Variants in PLK5 observed in about 807,000 individuals in gnomAD.
PLK5 encodes the protein polo like kinase 5 (inactive), also known as inactive serine/threonine-protein kinase PLK5.
Under a neutral mutation model 33.7 loss-of-function variants are expected in PLK5, and 28 were observed. The ratio of observed to expected loss-of-function variants is 0.83; its 90% CI spans 0.62 to 1.14. The LOEUF (loss-of-function observed/expected upper bound fraction) is 1.14. Ranked by LOEUF, PLK5 falls within the 50% of genes most tolerant of loss-of-function variation. The probability of loss-of-function intolerance (pLI) is 0.00; values close to 1 mark genes in which losing one functional copy is unlikely to be tolerated. For missense variants in PLK5, 492 were observed against 461.5 expected, an observed-to-expected ratio of 1.07 and a Z score of -0.61; for synonymous variants, 225 against 202.2, an observed-to-expected ratio of 1.11 and a Z score of -0.96.
intron 9 of PLK5, 46 bp from the exon 10 acceptor site, chr19:1,529,360 G>C (rs1913855098): frequency 6.8e-7 from 1 of 1,479,128 alleles, no homozygotes; most frequent in Non-Finnish European, 9.1e-7. Flanking sequence ...GCCTGTCCCT[G>C]GGGCTGGGGC....
chr19:1,528,574 C>A, intron 8 of PLK5, 146 bp downstream of exon 8: 1 of 588,510 alleles, frequency 1.7e-6, no homozygotes, highest in South Asian at 2.3e-5. Context: ...CCTGCCCACG[C>A]CTCCCACCTG....
chr19:1,526,674 C>A, intron 4 of PLK5, 30 bp from the exon 5 acceptor site: 1 of 430,550 alleles, frequency 2.3e-6, no homozygotes, highest in Admixed American at 3.8e-5. Flanking sequence ...ACGGATCCAC[C>A]CCCATGCGCA....
At chr19:1,533,837 C>A in intron 12 of PLK5, 94 bp from the exon 13 acceptor site, 1 of 887,262 alleles carries the variant, frequency 1.1e-6, no homozygotes, top group Non-Finnish European at 1.6e-6. Context: ...CCTGCGGCGG[C>A]GGCTGCGGGA....
intron 7 of PLK5, 35 bp from the exon 8 acceptor site, chr19:1,528,267 C>A (rs1322648159): frequency 2.0e-6 from 3 of 1,535,744 alleles, no homozygotes; most frequent in Non-Finnish European, 2.6e-6. Context: ...GCTGGGTGAC[C>A]TAAGCCGGGG....
chr19:1,528,931 GAGA>G lies in PLK5; in HGVS notation c.365_367del (p.Glu122del). The G allele has an allele frequency of 1.3e-6, 2 of 1,518,506 alleles. No homozygotes were observed. The highest frequency in any genetic ancestry group is 1.8e-6 in the Non-Finnish European group (2 of 1,138,762). The allele number at this position is 1,518,506 out of a possible 1,614,324, so 94.1% of individuals were successfully genotyped here. A position where few individuals can be genotyped will look rare whatever the true frequency, so the allele number is the denominator to read the frequency against. On this transcript the variant is annotated inframe_deletion, in exon 9 of 14. Transcript: ENST00000454744. ...ACGCCTAAAGAGGCCTCGGGTCCAG[GAGA>G]AGGTGGGCCAGACCCTGACTCCATG...
rs772286255 is a variant in PLK5 at position 1,528,953 on chromosome 19, C to G, written c.384C>G (p.Asp128Glu). The part of the protein sequence containing the change: ...SGPGEGGPDP[D>E]SMEWDGESSL... ...CAGGAGAAGGTGGGCCAGACCCTGACTCCATGGAGTGGGACGGCGAGGTGA... is the reference window on the plus strand; with the variant it reads ...CAGGAGAAGGTGGGCCAGACCCTGAGTCCATGGAGTGGGACGGCGAGGTGA... The change falls in exon 9 of 14, where the codon GAC becomes GAG. Residue 128 changes from aspartate (D) to glutamate (E), a missense_variant. Asp to Glu is a conservative substitution (Grantham distance 45). Coordinates refer to ENST00000454744, the MANE Select transcript of PLK5 (RefSeq NM_001243079.2). 2.6e-5 allele frequency: 39 copies of G among 1,519,188 alleles called. No homozygotes were observed. Among genetic ancestry groups the G allele is most frequent in the Admixed American group, 6.3e-5 (3 of 47,722 alleles). The allele number at this position is 1,519,188 out of a possible 1,614,324, so 94.1% of individuals were successfully genotyped here.
In PLK5 at chr19:1,535,230, C is replaced by T. The variant is rs1054524030; in HGVS notation, c.991C>T (p.Arg331Cys). Residue 331 changes from arginine to cysteine, a missense_variant, in exon 14 of 14, where the codon CGC (arginine) becomes TGC (cysteine). Transcript: ENST00000454744. ...CGGACAGCACCTTCACCACGCCCTC[C>T]GCATGCTGCAGAGTATCTAGTGCCC... Reference protein sequence around the residue: ...TTGQHLHHALRMLQSI With the variant: ...TTGQHLHHALCMLQSI 46 of 1,535,774 alleles carry T rather than the reference C, an allele frequency of 3.0e-5. No individual in the cohort carries two copies. Among genetic ancestry groups the T allele is most frequent in the South Asian group, 3.6e-5 (3 of 84,044 alleles).
At chr19:1,534,140 G>C in intron 13 of PLK5, 99 bp downstream of exon 13, 2 of 723,876 alleles carry the variant, frequency 2.8e-6, no homozygotes, top group Non-Finnish European at 4.3e-6. Flanking sequence ...GCCTTAGGAA[G>C]CATTTGCCTC....
In PLK5 at chr19:1,526,537, C is replaced by A; in HGVS notation, c.-261C>A. On this transcript the variant is annotated 5_prime_UTR_variant, in exon 4 of 14. Coordinates refer to ENST00000454744, the MANE Select transcript of PLK5 (RefSeq NM_001243079.2). ...GCAGATCCTGACGGAGCCAGAAGTG[C>A]GCGACTACCTGCGGGGCCTGGTCAG... 1 of 290,190 alleles carries A rather than the reference C, an allele frequency of 3.4e-6. No homozygotes were observed. The highest frequency in any genetic ancestry group is 2.8e-5 in the South Asian group (1 of 36,324). The allele number at this position is 290,190 out of a possible 1,614,324, so 18.0% of individuals were successfully genotyped here. A position where few individuals can be genotyped will look rare whatever the true frequency, so the allele number is the denominator to read the frequency against.
intron 12 of PLK5, among the ~76,000 whole-genome samples, chr19:1,532,460 G>A (rs545098673): frequency 1.3e-5 from 2 of 151,564 alleles, no homozygotes; most frequent in African/African-American, 4.8e-5. Flanking sequence ...AATCACTTGA[G>A]CCCAGCAGTT....
rs752490051 is a variant in PLK5 at position 1,528,868 on chromosome 19, G to A, written c.329-30G>A. 8.8e-6 allele frequency: 13 copies of A among 1,474,398 alleles called. 1 individual carries two copies. Among genetic ancestry groups the A allele is most frequent in the Middle Eastern group, 2.1e-4 (1 of 4,806 alleles). The allele number at this position is 1,474,398 out of a possible 1,614,324, so 91.3% of individuals were successfully genotyped here. A position where few individuals can be genotyped will look rare whatever the true frequency, so the allele number is the denominator to read the frequency against. On this transcript the variant is annotated intron_variant, in intron 8 of 13. Transcript: ENST00000454744. ...ACCCCCAGCTTGGGGCCCAGGCTGTGCCCCCTCCAAGGCCTTGTGCCTCCC... is the reference window on the plus strand; with the variant it reads ...ACCCCCAGCTTGGGGCCCAGGCTGTACCCCCTCCAAGGCCTTGTGCCTCCC...
intron 10 of PLK5, 25 bp downstream of exon 10, chr19:1,529,515 G>C (rs760312029): frequency 3.3e-6 from 5 of 1,528,270 alleles, no homozygotes; most frequent in Non-Finnish European, 3.5e-6. Flanking sequence ...GTCCCAGCCC[G>C]GGGCTGCAGG....
intron 9 of PLK5, 35 bp from the exon 10 acceptor site, chr19:1,529,365 TGGGGCC>T (rs745710602): frequency 3.2e-5 from 48 of 1,498,418 alleles, no homozygotes; most frequent in South Asian, 3.1e-4. Flanking sequence ...TCCCTGGGGC[TGGGGCC>T]GGGGCCACCC....
Position 1,528,317 on chromosome 19 carries a change from C to G in PLK5, c.217C>G (p.Arg73Gly). 6.5e-7 allele frequency: 1 copy of G among 1,535,812 alleles called. No individual in the cohort carries two copies. The highest frequency in any genetic ancestry group is 8.7e-7 in the Non-Finnish European group (1 of 1,146,786). ...DFFTQGFTPD[R>G]LPAHSCHSPP... ...CCATCCAAAGGGTTTCACTCCAGAC[C>G]GGCTGCCGGCCCACTCCTGCCACAG... The change falls in exon 8 of 14, where the codon CGG (arginine) becomes GGG (glycine). Residue 73 changes from arginine to glycine, a missense_variant. Transcript: ENST00000454744.
At chr19:1,530,545 C>T (rs1004335701) in intron 11 of PLK5, among the ~76,000 whole-genome samples, 9 of 150,020 alleles carry the variant, frequency 6.0e-5, no homozygotes, top group South Asian at 2.1e-4. Flanking sequence ...GTGATCTGGC[C>T]GCCTCAGCCT....
In PLK5 at chr19:1,527,976, C is replaced by T; in HGVS notation, c.43C>T (p.Pro15Ser). The change falls in exon 7 of 14, where the codon CCC (proline) becomes TCC (serine). Residue 15 changes from proline (P) to serine (S), a missense_variant. Coordinates refer to ENST00000454744, the MANE Select transcript of PLK5 (RefSeq NM_001243079.2). The part of the protein sequence containing the change: ...LTGTPPFMAS[P>S]LSEMYQNIRE... ...TGGCACCCCACCCTTCATGGCCTCA[C>T]CCCTGTCGGAGATGTACCAAAACAT... 1 of 1,536,090 alleles carries T rather than the reference C, an allele frequency of 6.5e-7. No individual in the cohort carries two copies. Among genetic ancestry groups the T allele is most frequent in the Non-Finnish European group, 8.7e-7 (1 of 1,146,848 alleles).
chr19:1,528,556 G>C (rs183208101), intron 8 of PLK5, 128 bp downstream of exon 8: 5 of 441,950 alleles, frequency 1.1e-5, no homozygotes, highest in South Asian at 7.0e-5. Flanking sequence ...ACCTGCCCAC[G>C]CCTCCCACCT....
At chr19:1,527,618 A>AT in intron 6 of PLK5, among the ~76,000 whole-genome samples, 1 of 151,344 alleles carries the variant, frequency 6.6e-6, no homozygotes, top group East Asian at 2.0e-4. Flanking sequence ...AAAAAAATAG[A>AT]AGCATTGAAA....
chr19:1,529,596 G>C (rs968461029), intron 10 of PLK5, 106 bp downstream of exon 10: 3 of 1,421,266 alleles, frequency 2.1e-6, no homozygotes, highest in Non-Finnish European at 2.9e-6. Context: ...CCGCCGTCCC[G>C]GCCTCACCTT....
Sources: allele counts gnomAD v4.1 joint callset (sites outside exome capture counted in the v4.1 genomes callset), GRCh38; gene constraint gnomAD v4.1.1; transcripts MANE v1.5; gene names NCBI Gene and HGNC (gene_info 2026-07-23, HGNC 2026-07-21).